The following EPB41L1 variants were observed in gnomAD, a reference collection of about 807,000 sequenced individuals.
EPB41L1 encodes the protein erythrocyte membrane protein band 4.1 like 1.
Under a neutral mutation model 97.8 loss-of-function variants are expected in EPB41L1, and 29 were observed. The observed-to-expected ratio is 0.30, with a 90% CI of 0.22 to 0.40. EPB41L1 has a LOEUF of 0.40. Ranked by LOEUF, EPB41L1 falls within the 10% of genes least tolerant of loss-of-function variation. The pLI is 1.00. For missense variants in EPB41L1, 812 were observed against 1,162.3 expected, an observed-to-expected ratio of 0.70 and a Z score of 4.38; for synonymous variants, 383 against 459.2, an observed-to-expected ratio of 0.83 and a Z score of 2.12.
chr20:36,160,220 T>C (rs1242965458), intron 1 of EPB41L1, among the ~76,000 whole-genome samples: 1 of 152,142 alleles, frequency 6.6e-6, no homozygotes, highest in Non-Finnish European at 1.5e-5. Context: ...GAAAAACAAA[T>C]ATTTCTTTAC....
At chr20:36,194,444 G>A (rs2062096770) in intron 12 of EPB41L1, 84 bp downstream of exon 12, 1 of 1,516,900 alleles carries the variant, frequency 6.6e-7, no homozygotes. Flanking sequence ...ACCTTCACAT[G>A]CCTCCAGCTG....
chr20:36,124,268 A>C (rs1010117586), intron 2 of EPB41L1, among the ~76,000 whole-genome samples: 5 of 152,114 alleles, frequency 3.3e-5, no homozygotes, highest in Non-Finnish European at 7.3e-5. Context: ...AAAACAAAAC[A>C]AAACAAAACA....
In EPB41L1 at chr20:36,093,231, G is replaced by A. The variant is rs2147433866; in HGVS notation, c.-65+1619G>A. 6.6e-6 allele frequency among the ~76,000 whole-genome samples: 1 copy of A among 152,218 alleles called. No individual in the cohort carries two copies. Among genetic ancestry groups the A allele is most frequent in the East Asian group, 1.9e-4 (1 of 5,174 alleles). The stretch of plus-strand genomic sequence containing the variant: ...TCTGTCGGTGAATGTATCTGTGAGA[G>A]GGTGTGTCCGAATGTGTAGCAGTGT... On this transcript the variant is annotated intron_variant, in intron 1 of 19. Transcript: ENST00000202028. The surrounding 1 kb of genome is among the most constrained non-coding windows in gnomAD (Gnocchi z 5.4).
At chr20:36,163,426 G>A (rs762492225) in intron 1 of EPB41L1, among the ~76,000 whole-genome samples, 2 of 152,152 alleles carry the variant, frequency 1.3e-5, no homozygotes, top group Non-Finnish European at 2.9e-5. Flanking sequence ...TGAAGAAACT[G>A]AGGCACAAAG....
chr20:36,185,419 C>T, intron 7 of EPB41L1, 84 bp downstream of exon 7: 1 of 1,315,974 alleles, frequency 7.6e-7, no homozygotes, highest in South Asian at 1.2e-5. Flanking sequence ...TAGGCCGCCA[C>T]ATACTGTGCT....
intron 2 of EPB41L1, among the ~76,000 whole-genome samples, chr20:36,134,712 G>T (rs2059349401): frequency 6.6e-6 from 1 of 152,058 alleles, no homozygotes; most frequent in South Asian, 2.1e-4. Context: ...CTCCTCAGGG[G>T]TCCAGGTCTG....
chr20:36,168,534 T>C (rs1482189968), intron 1 of EPB41L1, among the ~76,000 whole-genome samples: 1 of 151,274 alleles, frequency 6.6e-6, no homozygotes, highest in Non-Finnish European at 1.5e-5. Flanking sequence ...CCATGTTAAG[T>C]GCTTTTTTTT....
intron 2 of EPB41L1, among the ~76,000 whole-genome samples, chr20:36,137,273 A>G (rs1226749741): frequency 6.7e-6 from 1 of 150,080 alleles, no homozygotes; most frequent in African/African-American, 2.5e-5. Context: ...ACAGGGTTTC[A>G]TCATGTTGCC....
intron 14 of EPB41L1, among the ~76,000 whole-genome samples, chr20:36,204,432 G>A (rs1053408901): frequency 6.6e-6 from 1 of 150,952 alleles, no homozygotes; most frequent in Non-Finnish European, 1.5e-5. Flanking sequence ...GGGAGGTAGA[G>A]GCTGTTGGGA....
intron 6 of EPB41L1, 82 bp from the exon 7 acceptor site, chr20:36,185,035 T>C: frequency 7.2e-7 from 1 of 1,381,950 alleles, no homozygotes. Flanking sequence ...TATGTTCTAT[T>C]TAGTTCTGAT....
intron 1 of EPB41L1, among the ~76,000 whole-genome samples, chr20:36,103,484 CT>C (rs1167367806): frequency 2.0e-5 from 3 of 152,114 alleles, no homozygotes; most frequent in African/African-American, 4.8e-5. Context: ...CATTTCTGGG[CT>C]GTGTGACCTT....
Position 36,197,844 on chromosome 20 carries a change from T to TC in EPB41L1, c.1486-13dup. On this transcript the variant is annotated splice_polypyrimidine_tract_variant and intron_variant, in intron 13 of 21. Transcript: ENST00000338074. ...CTGTTCCCCTAACACCACCACCCTC[T>TC]CCATCTATCCCTAGTTCTTAGACAA... The TC allele has an allele frequency of 6.2e-7, 1 of 1,614,014 alleles. No individual in the cohort carries two copies. The highest frequency in any genetic ancestry group is 8.5e-7 in the Non-Finnish European group (1 of 1,179,986).
At chr20:36,115,421 C>G (rs2058553782) in intron 2 of EPB41L1, among the ~76,000 whole-genome samples, 1 of 152,240 alleles carries the variant, frequency 6.6e-6, no homozygotes, top group Non-Finnish European at 1.5e-5. Context: ...ATGCAGTGCA[C>G]ATGTCTACCT....
rs2060835497 is a variant in EPB41L1 at position 36,168,541 on chromosome 20, T to TC, written c.-14-5223_-14-5222insC. 1.3e-5 allele frequency among the ~76,000 whole-genome samples: 2 copies of TC among 151,938 alleles called. 1 individual carries two copies. The highest frequency in any genetic ancestry group is 4.2e-4 in the South Asian group (2 of 4,806). On this transcript the variant is annotated intron_variant, in intron 1 of 21. Transcript: ENST00000338074. ...GGTGTATACCATGTTAAGTGCTTTT[T>TC]TTTTTTTTTAGATGGAGTCTTCCTC...
intron 5 of EPB41L1, among the ~76,000 whole-genome samples, chr20:36,179,791 G>C (rs1217954560): frequency 2.0e-5 from 3 of 152,206 alleles, no homozygotes; most frequent in Non-Finnish European, 2.9e-5. Context: ...CTGCAGGAGG[G>C]GGCTCGAGGA....
intron 17 of EPB41L1, among the ~76,000 whole-genome samples, chr20:36,215,021 A>G (rs748195674): frequency 6.6e-6 from 1 of 150,380 alleles, no homozygotes; most frequent in Non-Finnish European, 1.5e-5. Flanking sequence ...AATAATCCCC[A>G]TTCTGCAGTT....
At chr20:36,178,148 C>T (rs1039191228) in intron 4 of EPB41L1, 92 bp downstream of exon 4, 5 of 929,572 alleles carry the variant, frequency 5.4e-6, no homozygotes, top group African/African-American at 1.6e-5. Flanking sequence ...GTGCTCAAAT[C>T]ATTAAGCATC....
At chr20:36,203,113 T>C (rs2062592753) in intron 14 of EPB41L1, among the ~76,000 whole-genome samples, 1 of 152,240 alleles carries the variant, frequency 6.6e-6, no homozygotes, top group Admixed American at 6.5e-5. Flanking sequence ...TATCCCATCT[T>C]GTGATTCGGG....
chr20:36,224,696 T>C (rs1430915867), intron 21 of EPB41L1, among the ~76,000 whole-genome samples: 1 of 152,228 alleles, frequency 6.6e-6, no homozygotes, highest in Non-Finnish European at 1.5e-5. Flanking sequence ...TTAAACTTTT[T>C]AATGGAAACT....
Sources: gnomAD v4.1 joint callset for allele counts (sites outside exome capture counted in the v4.1 genomes callset) on GRCh38, gnomAD v4.1.1 for gene constraint, Gnocchi (gnomAD v3.1) non-coding constraint, MANE v1.5 for transcripts, NCBI Gene and HGNC (gene_info 2026-07-23, HGNC 2026-07-21) for gene names.